The following FCHO2 variants were observed in gnomAD, a reference collection of about 807,000 sequenced individuals.
FCHO2 encodes F-BAR domain only protein 2.
In FCHO2, 43 loss-of-function variants were observed where a neutral mutation model predicts 114.1. The ratio of observed to expected loss-of-function variants is 0.38; its 90% CI spans 0.30 to 0.49. The LOEUF is 0.49. Ranked by LOEUF, FCHO2 falls within the 20% of genes least tolerant of loss-of-function variation. The pLI is 0.97. For synonymous variants in FCHO2, 293 were observed against 315.2 expected (o/e 0.93, Z 0.75); for missense variants, 807 against 950.4 (o/e 0.85, Z 1.98).
intron 6 of FCHO2, among the ~76,000 whole-genome samples, chr5:73,014,551 G>A (rs1163268658): frequency 1.3e-5 from 2 of 151,966 alleles, no homozygotes; most frequent in Admixed American, 1.3e-4. Flanking sequence ...GCCTCCCATA[G>A]TGCTGGGATT....
chr5:72,981,060 A>T (rs758043405), intron 2 of FCHO2, among the ~76,000 whole-genome samples: 1 of 151,884 alleles, frequency 6.6e-6, no homozygotes, highest in Non-Finnish European at 1.5e-5. Context: ...ACAATTTGGT[A>T]TGTTTTTGCA....
chr5:72,971,511 A>G (rs944858281), intron 2 of FCHO2, among the ~76,000 whole-genome samples: 9 of 152,244 alleles, frequency 5.9e-5, no homozygotes, highest in South Asian at 2.1e-4. Context: ...TTTGAGAAGT[A>G]TCTGTTCATG....
At chr5:73,028,183 C>T (rs1326795518) in intron 8 of FCHO2, among the ~76,000 whole-genome samples, 1 of 151,788 alleles carries the variant, frequency 6.6e-6, no homozygotes, top group Non-Finnish European at 1.5e-5. Context: ...GGTGACAGGG[C>T]GAGACTCCAT....
At position 73,081,799 on chromosome 5, in the gene FCHO2, T is replaced by C. The variant is rs371625404; in HGVS notation, c.1997T>C (p.Ile666Thr). The C allele has an allele frequency of 5.2e-5, 81 of 1,554,490 alleles. No homozygotes were observed. The highest frequency in any genetic ancestry group is 6.8e-5 in the Non-Finnish European group (78 of 1,147,730). ...VLKYQVSSNG[I>T]QSTPLNLATY... ...TCTTTAAAGGTATCATCAAATGGTA[T>C]TCAGTCCACTCCTCTGAATCTTGCA... is the stretch of plus-strand genomic sequence containing the variant. The change falls in exon 23 of 26, where the codon ATT (isoleucine) becomes ACT (threonine). Residue 666 changes from isoleucine (I) to threonine (T), a missense_variant. Transcript: ENST00000430046.
chr5:73,061,085 T>G (rs1202791696), intron 17 of FCHO2, among the ~76,000 whole-genome samples: 2 of 151,940 alleles, frequency 1.3e-5, no homozygotes, highest in African/African-American at 2.4e-5. Flanking sequence ...AACCCTGATG[T>G]AGTCCGATGT....
At chr5:73,015,554 C>G (rs1226064196) in intron 6 of FCHO2, 72 bp from the exon 7 acceptor site, 4 of 919,696 alleles carry the variant, frequency 4.3e-6, no homozygotes, top group East Asian at 6.1e-5. Context: ...TCTGAAAGCT[C>G]TTTTGATTCC....
chr5:73,068,495 A>G (rs926591657), intron 18 of FCHO2, among the ~76,000 whole-genome samples, 155 bp from the exon 19 acceptor site: 1 of 152,102 alleles, frequency 6.6e-6, no homozygotes, highest in African/African-American at 2.4e-5. Flanking sequence ...ATGTTCTTAA[A>G]AATGATATGA....
At chr5:73,082,085 T>G (rs1743113523) in intron 23 of FCHO2, 103 bp downstream of exon 23, 1 of 1,098,048 alleles carries the variant, frequency 9.1e-7, no homozygotes, top group Non-Finnish European at 1.3e-6. Flanking sequence ...TGAAAAATTT[T>G]TGTGCCTTTT....
chr5:73,002,073 G>A (rs1313708686), intron 5 of FCHO2, among the ~76,000 whole-genome samples: 9 of 152,080 alleles, frequency 5.9e-5, no homozygotes, highest in Admixed American at 5.2e-4. Flanking sequence ...AGATCCAGCC[G>A]TTAACCTTTG....
intron 3 of FCHO2, among the ~76,000 whole-genome samples, chr5:72,989,762 G>C (rs535107551): frequency 3.3e-5 from 5 of 152,006 alleles, no homozygotes; most frequent in Non-Finnish European, 7.4e-5. Context: ...GATTATAAAT[G>C]TTATCTTATG....
intron 1 of FCHO2, 29 bp downstream of exon 1, chr5:72,956,158 T>C: frequency 2.0e-6 from 3 of 1,531,676 alleles, no homozygotes; most frequent in East Asian, 2.6e-5. Context: ...AAGTCGTGTG[T>C]TTCGAAGTCC....
Position 73,006,484 on chromosome 5 carries a change from C to G in FCHO2, c.535C>G (p.Leu179Val), listed in dbSNP as rs1417895317. 2 of 1,576,746 alleles carry G rather than the reference C, an allele frequency of 1.3e-6. No individual in the cohort carries two copies. The highest frequency in any genetic ancestry group is 3.8e-5 in the Admixed American group (2 of 52,916). Residue 179 changes from leucine to valine, a missense_variant, in exon 6 of 26, where the codon CTC becomes GTC. By Grantham distance (32) the Leu-to-Val change is conservative (BLOSUM62 1). Coordinates refer to ENST00000430046, the MANE Select transcript of FCHO2 (RefSeq NM_138782.3). ...KSKKATDTYK[L>V]YVEKYALAKA... ...TAAGAAAGCTACAGATACCTATAAA[C>G]TCTATGTGGAAAAATATGCATTAGC... is the stretch of plus-strand genomic sequence containing the variant.
chr5:72,992,453 C>T (rs1391354755), intron 5 of FCHO2, among the ~76,000 whole-genome samples: 1 of 152,088 alleles, frequency 6.6e-6, no homozygotes, highest in African/African-American at 2.4e-5. Context: ...TCCAAAATGG[C>T]ACGTAGAGAT....
At chr5:73,065,595 T>A (rs1742273127) in intron 18 of FCHO2, among the ~76,000 whole-genome samples, 1 of 152,070 alleles carries the variant, frequency 6.6e-6, no homozygotes, top group South Asian at 2.1e-4. Flanking sequence ...TTAATACATG[T>A]AAAACAGAAT....
intron 2 of FCHO2, among the ~76,000 whole-genome samples, chr5:72,985,604 G>A (rs1365085945): frequency 6.6e-6 from 1 of 152,032 alleles, no homozygotes; most frequent in Non-Finnish European, 1.5e-5. Context: ...TTAAGGATTT[G>A]CTTTCATTTA....
At chr5:73,070,953 A>G (rs775641419) in intron 19 of FCHO2, among the ~76,000 whole-genome samples, 21 of 152,104 alleles carry the variant, frequency 1.4e-4, no homozygotes, top group Non-Finnish European at 3.1e-4. Context: ...GTCACCAGGT[A>G]TTGTATCAGA....
At chr5:72,974,221 A>G (rs373778516) in intron 2 of FCHO2, among the ~76,000 whole-genome samples, 5 of 141,722 alleles carry the variant, frequency 3.5e-5, no homozygotes, top group East Asian at 2.2e-4. Flanking sequence ...TATTAGGTCC[A>G]CTTGGTGCAG....
intron 2 of FCHO2, among the ~76,000 whole-genome samples, chr5:72,971,878 T>G (rs1455423284): frequency 6.6e-6 from 1 of 152,142 alleles, no homozygotes; most frequent in Admixed American, 6.6e-5. Flanking sequence ...GATTTTTGTA[T>G]AAGGTGTAAG....
chr5:73,075,855 G>T (rs997000547), intron 20 of FCHO2, among the ~76,000 whole-genome samples: 1 of 152,062 alleles, frequency 6.6e-6, no homozygotes, highest in Non-Finnish European at 1.5e-5. Context: ...AGACATCTTA[G>T]TGGAAATGTT....
Sources: allele counts gnomAD v4.1 joint callset (sites outside exome capture counted in the v4.1 genomes callset), GRCh38; gene constraint gnomAD v4.1.1; transcripts MANE v1.5; gene names NCBI Gene and HGNC (gene_info 2026-07-23, HGNC 2026-07-21).